NXPE1: variants seen among roughly 807,000 people sequenced by gnomAD.
NXPE1 encodes the protein NXPE family member 1.
NXPE1 carries 31 observed loss-of-function variants against 33.3 expected under a neutral mutation model. The ratio of observed to expected loss-of-function variants is 0.93; its 90% CI spans 0.70 to 1.26. The LOEUF (loss-of-function observed/expected upper bound fraction) is 1.26. Ranked by LOEUF, NXPE1 falls within the 50% of genes most tolerant of loss-of-function variation. The pLI, the probability that NXPE1 is intolerant of heterozygous loss-of-function variation, is 0.00. For missense variants in NXPE1, 661 were observed against 655.6 expected, an observed-to-expected ratio of 1.01 and a Z score of -0.09; for synonymous variants, 229 against 231.4, an observed-to-expected ratio of 0.99 and a Z score of 0.09.
intron 5 of NXPE1, among the ~76,000 whole-genome samples, chr11:114,539,426 A>G (rs1163011915): frequency 2.1e-5 from 3 of 142,270 alleles, no homozygotes; most frequent in Admixed American, 6.9e-5. Context: ...TAAAACTTAA[A>G]GTATAATAAT....
intron 5 of NXPE1, among the ~76,000 whole-genome samples, chr11:114,537,671 C>G (rs1172297163): frequency 6.6e-6 from 1 of 152,038 alleles, no homozygotes; most frequent in Non-Finnish European, 1.5e-5. Context: ...TGAGTGAACT[C>G]CCATTCACAA....
chr11:114,538,319 A>G (rs2135026739), intron 5 of NXPE1, among the ~76,000 whole-genome samples: 1 of 152,372 alleles, frequency 6.6e-6, no homozygotes, highest in East Asian at 1.9e-4. Flanking sequence ...CTAAAACCAT[A>G]AAAACCCTAG....
downstream of NXPE1, among the ~76,000 whole-genome samples, chr11:114,519,887 TTTTG>T (rs1290515319): frequency 2.6e-5 from 4 of 151,766 alleles, no homozygotes; most frequent in Admixed American, 6.6e-5. Flanking sequence ...CACAATTACC[TTTTG>T]TTTGTTTGTT....
intron 3 of NXPE1, 64 bp downstream of exon 3, chr11:114,551,910 T>C (rs1300275021): frequency 6.6e-6 from 1 of 152,128 alleles, no homozygotes; most frequent in Non-Finnish European, 1.5e-5. Context: ...AGAAATAAAA[T>C]TATATGATTT....
At chr11:114,524,538 A>C (rs955887025) in intron 7 of NXPE1, among the ~76,000 whole-genome samples, 2 of 152,202 alleles carry the variant, frequency 1.3e-5, no homozygotes, top group African/African-American at 2.4e-5. Flanking sequence ...AGTTTGTATA[A>C]TCCTATAATT....
At chr11:114,545,539 A>G (rs1948247424) in intron 5 of NXPE1, among the ~76,000 whole-genome samples, 1 of 152,218 alleles carries the variant, frequency 6.6e-6, no homozygotes, top group African/African-American at 2.4e-5. Flanking sequence ...TCAAAAACCA[A>G]TCAATGGTTG....
chr11:114,555,446 C>T (rs1473203153), intron 1 of NXPE1, among the ~76,000 whole-genome samples: 1 of 152,138 alleles, frequency 6.6e-6, no homozygotes, highest in Admixed American at 6.6e-5. Flanking sequence ...AGGATGGTCT[C>T]GATTTTCTGA....
At chr11:114,522,063 A>T (rs763770230) in exon 9 of NXPE1, 1 of 1,612,674 alleles carries the variant, frequency 6.2e-7, no homozygotes, top group South Asian at 1.1e-5. Flanking sequence ...GTCATGTCCC[A>T]GGCATCAATG....
chr11:114,520,475 A>G (rs899635616), downstream of NXPE1, among the ~76,000 whole-genome samples: 3 of 152,186 alleles, frequency 2.0e-5, no homozygotes, highest in Non-Finnish European at 2.9e-5. Context: ...ATGATATTCC[A>G]TTGTACATAT....
At chr11:114,552,762 A>G (rs567339216) in intron 2 of NXPE1, 90 bp downstream of exon 2, 1 of 416,264 alleles carries the variant, frequency 2.4e-6, no homozygotes, top group African/African-American at 2.2e-5. Context: ...AAAAAAAAGT[A>G]TGATTGCTAT....
chr11:114,534,441 CTT>C (rs1156711224), intron 5 of NXPE1, among the ~76,000 whole-genome samples: 1 of 152,188 alleles, frequency 6.6e-6, no homozygotes, highest in Non-Finnish European at 1.5e-5. Flanking sequence ...CGGAGAATGA[CTT>C]TGACGAGTTG....
intron 5 of NXPE1, among the ~76,000 whole-genome samples, chr11:114,548,134 A>T (rs2135092658): frequency 6.6e-6 from 1 of 152,318 alleles, no homozygotes; most frequent in East Asian, 1.9e-4. Flanking sequence ...GATAATTAAA[A>T]CACAAGCAAT....
intron 5 of NXPE1, among the ~76,000 whole-genome samples, chr11:114,546,341 G>T (rs1948281217): frequency 1.3e-5 from 2 of 152,070 alleles, no homozygotes; most frequent in South Asian, 4.2e-4. Flanking sequence ...ACCATGTAGT[G>T]ATAGATGAGA....
At chr11:114,519,809 G>C (rs1947169871), downstream of NXPE1, among the ~76,000 whole-genome samples, 1 of 152,062 alleles carries the variant, frequency 6.6e-6, no homozygotes, top group Non-Finnish European at 1.5e-5. Flanking sequence ...TATACAGTGT[G>C]ATGTTTTGAT....
chr11:114,530,046 A>AT, intron 6 of NXPE1, 129 bp downstream of exon 6: 1 of 959,448 alleles, frequency 1.0e-6, no homozygotes, highest in Non-Finnish European at 1.5e-6. Flanking sequence ...GGCCCCAAGA[A>AT]GACACCACAT....
intron 1 of NXPE1, chr11:114,554,314 C>A: frequency 1.0e-6 from 1 of 984,742 alleles, no homozygotes. Context: ...TGTGCCATAC[C>A]TCCTCCAGGT....
intron 8 of NXPE1, among the ~76,000 whole-genome samples, 166 bp downstream of exon 8, chr11:114,522,713 A>G (rs1947251859): frequency 6.6e-6 from 1 of 152,232 alleles, no homozygotes; most frequent in South Asian, 2.1e-4. Context: ...GAAGACCAAC[A>G]TTTCTTATGA....
downstream of NXPE1, among the ~76,000 whole-genome samples, chr11:114,519,419 C>G (rs1361991514): frequency 1.3e-5 from 2 of 152,116 alleles, no homozygotes; most frequent in Non-Finnish European, 2.9e-5. Context: ...ATAAAGTTCT[C>G]TTTGGGGGAA....
intron 1 of NXPE1, chr11:114,553,944 G>A: frequency 3.0e-6 from 3 of 985,416 alleles, no homozygotes; most frequent in Non-Finnish European, 3.6e-6. Flanking sequence ...TTCTGGGAGA[G>A]CAGGTTTGTC....
Sources: gnomAD v4.1 joint callset for allele counts (sites outside exome capture counted in the v4.1 genomes callset) on GRCh38, gnomAD v4.1.1 for gene constraint, MANE v1.5 for transcripts, NCBI Gene and HGNC (gene_info 2026-07-23, HGNC 2026-07-21) for gene names.